CCDC138: variants seen among roughly 807,000 people sequenced by gnomAD.
CCDC138 encodes the protein coiled-coil domain-containing protein 138.
A neutral mutation model predicts 82.3 loss-of-function variants in CCDC138; 66 were observed. The ratio of observed to expected loss-of-function variants is 0.80; its 90% CI spans 0.66 to 0.98. The LOEUF (loss-of-function observed/expected upper bound fraction) is 0.98. Among genes scored for constraint, CCDC138 ranks in the 50% least tolerant of loss-of-function variants. The pLI is 0.00. For missense variants in CCDC138, 816 were observed against 758.9 expected, an observed-to-expected ratio of 1.08 and a Z score of -0.88; for synonymous variants, 297 against 265.4, an observed-to-expected ratio of 1.12 and a Z score of -1.16.
At chr2:108,810,461 C>G (rs1316517330) in intron 7 of CCDC138, among the ~76,000 whole-genome samples, 1 of 152,158 alleles carries the variant, frequency 6.6e-6, no homozygotes, top group Admixed American at 6.6e-5. Context: ...ACGTGATTAT[C>G]ACATTTTTTT....
intron 2 of CCDC138, chr2:108,883,550 TA>T (rs1696349235): frequency 6.6e-6 from 1 of 152,304 alleles, no homozygotes; most frequent in African/African-American, 2.4e-5. Flanking sequence ...GTTCTCTCCA[TA>T]ATGGTTTGCC....
intron 10 of CCDC138, among the ~76,000 whole-genome samples, chr2:108,830,292 G>A (rs957702010): frequency 2.6e-5 from 4 of 152,208 alleles, no homozygotes; most frequent in African/African-American, 7.2e-5. Context: ...TGGATACAGA[G>A]TTTCATTTTG....
At chr2:108,847,348 CTT>C (rs1190209530) in intron 12 of CCDC138, among the ~76,000 whole-genome samples, 2 of 152,196 alleles carry the variant, frequency 1.3e-5, no homozygotes, top group Non-Finnish European at 2.9e-5. Context: ...GTCTATGACT[CTT>C]TGCCCTACAG....
chr2:108,810,156 CT>C (rs1683550832), intron 7 of CCDC138, among the ~76,000 whole-genome samples: 1 of 152,142 alleles, frequency 6.6e-6, no homozygotes, highest in Non-Finnish European at 1.5e-5. Flanking sequence ...CTTAATTACT[CT>C]GGCTAGTACT....
intron 10 of CCDC138, among the ~76,000 whole-genome samples, chr2:108,833,462 G>T (rs940691330): frequency 1.3e-5 from 2 of 152,184 alleles, no homozygotes; most frequent in Non-Finnish European, 2.9e-5. Flanking sequence ...AGAGTAGGCA[G>T]GTTTTCCAAG....
chr2:108,786,767 C>G, upstream of CCDC138: 1 of 1,484,880 alleles, frequency 6.7e-7, no homozygotes, highest in Non-Finnish European at 9.2e-7. Flanking sequence ...GGCCGCGTAG[C>G]GCCGCGGGTT....
chr2:108,825,943 T>C (rs1476544912), intron 10 of CCDC138, among the ~76,000 whole-genome samples: 1 of 152,210 alleles, frequency 6.6e-6, no homozygotes, highest in African/African-American at 2.4e-5. Context: ...TTAAAATTTT[T>C]GTCATCTCAG....
At chr2:108,842,434 A>C (rs1251987827) in intron 11 of CCDC138, among the ~76,000 whole-genome samples, 3 of 152,124 alleles carry the variant, frequency 2.0e-5, no homozygotes, top group African/African-American at 7.2e-5. Context: ...AGGGAGAGAG[A>C]GCGAGAGAGA....
chr2:108,843,880 T>TGTG (rs1558717151), intron 11 of CCDC138, among the ~76,000 whole-genome samples: 72 of 94,094 alleles, frequency 7.7e-4, no homozygotes, highest in African/African-American at 3.8e-3. Flanking sequence ...GTGTGTGTGT[T>TGTG]TCTTTCTTTT....
intron 5 of CCDC138, among the ~76,000 whole-genome samples, chr2:108,794,981 T>C (rs1558970543): frequency 6.6e-6 from 1 of 151,636 alleles, no homozygotes; most frequent in East Asian, 2.0e-4. Flanking sequence ...TTCCATCCCA[T>C]CCTTACTTAA....
intron 5 of CCDC138, among the ~76,000 whole-genome samples, chr2:108,796,204 G>A (rs1478962790): frequency 1.3e-5 from 2 of 151,644 alleles, no homozygotes; most frequent in African/African-American, 2.4e-5. Flanking sequence ...ACCTGCCACC[G>A]CGCCCGGCTA....
intron 10 of CCDC138, among the ~76,000 whole-genome samples, chr2:108,834,091 A>G (rs1171839051): frequency 1.3e-5 from 2 of 151,482 alleles, no homozygotes; most frequent in African/African-American, 4.9e-5. Flanking sequence ...TAAGGAAACT[A>G]GAATTTGAGG....
chr2:108,853,807 C>T (rs550353918), intron 12 of CCDC138, among the ~76,000 whole-genome samples: 2 of 139,586 alleles, frequency 1.4e-5, no homozygotes, highest in South Asian at 2.2e-4. Context: ...GTTACAGGCA[C>T]CAGCCATCCC....
chr2:108,874,880 C>T (rs964065212), intron 14 of CCDC138, among the ~76,000 whole-genome samples: 1 of 151,608 alleles, frequency 6.6e-6, no homozygotes, highest in African/African-American at 2.4e-5. Flanking sequence ...GCTGCAATAA[C>T]ATTACTTAGA....
intron 5 of CCDC138, among the ~76,000 whole-genome samples, chr2:108,796,479 G>A (rs1318559783): frequency 6.6e-6 from 1 of 152,042 alleles, no homozygotes; most frequent in Admixed American, 6.6e-5. Context: ...CCCACTCCTG[G>A]GTATATCCCC....
At chr2:108,803,233 G>A (rs1345358330) in intron 6 of CCDC138, among the ~76,000 whole-genome samples, 1 of 152,144 alleles carries the variant, frequency 6.6e-6, no homozygotes, top group Non-Finnish European at 1.5e-5. Context: ...TCCTGTGCCC[G>A]CCTGAGCGGC....
intron 10 of CCDC138, among the ~76,000 whole-genome samples, chr2:108,833,832 A>G (rs189749118): frequency 8.5e-4 from 121 of 142,436 alleles, no homozygotes; most frequent in Non-Finnish European, 1.4e-3. Flanking sequence ...GGTTCACGCC[A>G]TTCTCCTGCC....
At chr2:108,840,315 T>C (rs1318202030) in intron 11 of CCDC138, among the ~76,000 whole-genome samples, 1 of 150,684 alleles carries the variant, frequency 6.6e-6, no homozygotes, top group Non-Finnish European at 1.5e-5. Context: ...TGAACTCTCT[T>C]TGGTTTTGTA....
chr2:108,843,785 G>A (rs542638474), intron 11 of CCDC138, among the ~76,000 whole-genome samples: 1 of 150,084 alleles, frequency 6.7e-6, no homozygotes, highest in East Asian at 2.0e-4. Flanking sequence ...TTCAGTCTCT[G>A]GGCACGTTTT....
Sources: allele counts gnomAD v4.1 joint callset (sites outside exome capture counted in the v4.1 genomes callset), GRCh38; gene constraint gnomAD v4.1.1; transcripts MANE v1.5; gene names NCBI Gene and HGNC (gene_info 2026-07-23, HGNC 2026-07-21).